The following PSD3 variants were observed in gnomAD, a reference collection of about 807,000 sequenced individuals.
PSD3 encodes the protein PH and SEC7 domain-containing protein 3.
In PSD3, 49 loss-of-function variants were observed where a neutral mutation model predicts 105.5. That is an observed-to-expected ratio of 0.46 (90% confidence interval 0.37 to 0.59). The LOEUF (loss-of-function observed/expected upper bound fraction) is 0.59. PSD3 is among the 20% of genes least tolerant of loss of function. The pLI is 0.00. For missense variants in PSD3, 1,561 were observed against 1,263.8 expected (o/e 1.24, Z -3.57); for synonymous variants, 557 against 457.8 (o/e 1.22, Z -2.77).
intron 10 of PSD3, among the ~76,000 whole-genome samples, chr8:18,636,443 G>A (rs1585457270): frequency 2.0e-5 from 3 of 152,248 alleles, no homozygotes; most frequent in East Asian, 3.9e-4. Flanking sequence ...AAAAGTTACA[G>A]TATGCTGATG....
chr8:18,707,667 A>T (rs897685495), intron 9 of PSD3, among the ~76,000 whole-genome samples: 7 of 152,316 alleles, frequency 4.6e-5, no homozygotes, highest in Admixed American at 4.6e-4. Context: ...TACGGCTGGG[A>T]TTCAGGGCCC....
intron 4 of PSD3, among the ~76,000 whole-genome samples, chr8:18,850,692 T>C (rs976554339): frequency 2.0e-5 from 3 of 152,082 alleles, no homozygotes; most frequent in Non-Finnish European, 4.4e-5. Flanking sequence ...TCACTATCTC[T>C]CCTCCCCATG....
intron 15 of PSD3, among the ~76,000 whole-genome samples, chr8:18,545,162 T>C (rs1219437695): frequency 2.0e-5 from 3 of 152,238 alleles, no homozygotes; most frequent in Non-Finnish European, 2.9e-5. Context: ...TCAGTCTGTA[T>C]AAGTATTCAG....
chr8:18,678,388 T>G (rs1185708424), intron 9 of PSD3, among the ~76,000 whole-genome samples: 1 of 152,236 alleles, frequency 6.6e-6, no homozygotes, highest in African/African-American at 2.4e-5. Flanking sequence ...CTAGAAAATA[T>G]ACCAATCAGA....
chr8:18,799,092 G>C (rs977544742), intron 8 of PSD3: 7 of 525,776 alleles, frequency 1.3e-5, no homozygotes, highest in African/African-American at 7.7e-5. Flanking sequence ...CAGACACCAG[G>C]ACGATGGATT....
At chr8:18,761,120 AC>A (rs1806494027) in intron 9 of PSD3, among the ~76,000 whole-genome samples, 1 of 152,184 alleles carries the variant, frequency 6.6e-6, no homozygotes, top group African/African-American at 2.4e-5. Context: ...CGCAAATCAA[AC>A]GTCAGGTTTA....
At chr8:18,581,359 T>C (rs974388690) in intron 12 of PSD3, among the ~76,000 whole-genome samples, 3 of 152,138 alleles carry the variant, frequency 2.0e-5, no homozygotes, top group African/African-American at 7.2e-5. Context: ...GGCACACATT[T>C]TTTAGGTACT....
At chr8:19,079,807 T>C (rs1829583015) in intron 1 of PSD3, among the ~76,000 whole-genome samples, 1 of 152,128 alleles carries the variant, frequency 6.6e-6, no homozygotes, top group South Asian at 2.1e-4. Flanking sequence ...AAAGGTAAGC[T>C]CACTCTATAG....
At position 18,810,149 on chromosome 8, in the gene PSD3, A is replaced by G. The variant is rs375231569; in HGVS notation, c.1635-5251T>C. The stretch of plus-strand genomic sequence containing the variant: ...CACACTCATCACCCCCAGCCCTACC[A>G]TGCCAAATTCTGTGAACTCTTAGTG... On this transcript the variant is annotated intron_variant, in intron 4 of 15. Coordinates refer to ENST00000327040, the MANE Select transcript of PSD3 (RefSeq NM_015310.4). 5.3e-5 allele frequency among the ~76,000 whole-genome samples: 8 copies of G among 152,124 alleles called. No homozygotes were observed. In the East Asian group the frequency reaches 1.2e-3, roughly 22 times the overall value.
chr8:18,568,674 G>T (rs920869477), intron 14 of PSD3, among the ~76,000 whole-genome samples: 8 of 150,992 alleles, frequency 5.3e-5, no homozygotes, highest in Non-Finnish European at 1.2e-4. Flanking sequence ...CTTTAAAATG[G>T]GCCTTTCTGC....
At chr8:18,997,246 C>A (rs1318604768) in intron 1 of PSD3, among the ~76,000 whole-genome samples, 2 of 151,894 alleles carry the variant, frequency 1.3e-5, no homozygotes, top group Non-Finnish European at 2.9e-5. Context: ...TGACTGAGCT[C>A]CTGATCCTTT....
At chr8:18,775,453 T>G (rs1352782462) in intron 8 of PSD3, among the ~76,000 whole-genome samples, 1 of 152,184 alleles carries the variant, frequency 6.6e-6, no homozygotes, top group Non-Finnish European at 1.5e-5. Flanking sequence ...CATACTGTCT[T>G]TTTCAGAGAG....
In PSD3 at chr8:18,913,842, C is replaced by A. The variant is rs1031166427; in HGVS notation, c.130+22192G>T. On this transcript the variant is annotated intron_variant, in intron 2 of 15. Coordinates refer to ENST00000327040, the MANE Select transcript of PSD3 (RefSeq NM_015310.4). ...CTCAGGCTTTAAGCACACCCCAATG[C>A]CAGGCCAGCCACTGCGAACTCAGGC... Among the ~76,000 whole-genome samples, 7 of 152,080 alleles carry A rather than the reference C, an allele frequency of 4.6e-5. No individual in the cohort carries two copies. In the South Asian group the frequency reaches 1.5e-3, roughly 32 times the overall value.
At chr8:18,844,264 C>T (rs1189174933) in intron 4 of PSD3, among the ~76,000 whole-genome samples, 1 of 152,110 alleles carries the variant, frequency 6.6e-6, no homozygotes, top group Non-Finnish European at 1.5e-5. Flanking sequence ...TCCCCTTCTC[C>T]CTTGGGTCCC....
chr8:18,549,861 C>T (rs944998265), intron 15 of PSD3, among the ~76,000 whole-genome samples: 1 of 152,162 alleles, frequency 6.6e-6, no homozygotes, highest in Admixed American at 6.5e-5. Context: ...AAACAAATTG[C>T]TGTTAATGTG....
intron 1 of PSD3, among the ~76,000 whole-genome samples, chr8:19,043,016 C>T (rs2129476770): frequency 6.6e-6 from 1 of 152,252 alleles, no homozygotes; most frequent in East Asian, 1.9e-4. Flanking sequence ...ACCTCCTCTC[C>T]CCAATAATCT....
At chr8:18,577,241 A>G (rs1442499964) in intron 12 of PSD3, among the ~76,000 whole-genome samples, 1 of 152,042 alleles carries the variant, frequency 6.6e-6, no homozygotes, top group Non-Finnish European at 1.5e-5. Context: ...GATATTCATA[A>G]TTTTATTGGC....
chr8:18,755,352 C>T lies in PSD3; in HGVS notation c.2172+10097G>A, dbSNP rs571832162. 9.0e-4 allele frequency among the ~76,000 whole-genome samples: 137 copies of T among 152,138 alleles called. 1 individual carries two copies. The highest frequency in any genetic ancestry group is 3.2e-3 in the African/African-American group (134 of 41,482). Reference sequence around the variant, plus strand: ...GGCTGAAGCAGGAGAATCGCCTGAACCTAGGAGGTAGAGGTTGCAGTGAGC... The same window carrying T: ...GGCTGAAGCAGGAGAATCGCCTGAATCTAGGAGGTAGAGGTTGCAGTGAGC... On this transcript the variant is annotated intron_variant, in intron 9 of 15. Coordinates refer to ENST00000327040, the MANE Select transcript of PSD3 (RefSeq NM_015310.4).
chr8:18,549,257 C>A (rs60891670), intron 15 of PSD3, among the ~76,000 whole-genome samples: 1 of 150,054 alleles, frequency 6.7e-6, no homozygotes, highest in Non-Finnish European at 1.5e-5. Flanking sequence ...TCTCGGCTCA[C>A]TGCAACCTCT....
Sources: allele counts gnomAD v4.1 joint callset (sites outside exome capture counted in the v4.1 genomes callset), GRCh38; gene constraint gnomAD v4.1.1; transcripts MANE v1.5; gene names NCBI Gene and HGNC (gene_info 2026-07-23, HGNC 2026-07-21).